Variants in KANK1 observed in about 807,000 individuals in gnomAD.
The protein encoded by KANK1 is KN motif and ankyrin repeat domains 1.
KANK1 carries 109 observed loss-of-function variants against 106.2 expected under a neutral mutation model. The ratio of observed to expected loss-of-function variants is 1.03; its 90% CI spans 0.88 to 1.20. The LOEUF is 1.20. Among genes scored for constraint, KANK1 ranks in the 50% most tolerant of loss-of-function variants. The pLI is 0.00. For synonymous variants in KANK1, 873 were observed against 652.2 expected (o/e 1.34, Z -5.16); for missense variants, 2,399 against 1,710.7 (o/e 1.40, Z -7.10).
At chr9:474,305 G>A (rs1333600801) in intron 3 of KANK1, among the ~76,000 whole-genome samples, 2 of 152,068 alleles carry the variant, frequency 1.3e-5, no homozygotes, top group African/African-American at 4.8e-5. Flanking sequence ...ATATGGACTA[G>A]TATTTATAAG....
chr9:481,525 A>G (rs2058203908), intron 3 of KANK1, among the ~76,000 whole-genome samples: 1 of 152,226 alleles, frequency 6.6e-6, no homozygotes, highest in Non-Finnish European at 1.5e-5. Flanking sequence ...AGAAGTATTG[A>G]ATGTGGTCTC....
intron 1 of KANK1, among the ~76,000 whole-genome samples, chr9:533,291 G>C (rs1244078334): frequency 6.6e-6 from 1 of 152,216 alleles, no homozygotes; most frequent in African/African-American, 2.4e-5. Flanking sequence ...CCTAGGTTAA[G>C]AGCATTAGTG....
At chr9:728,022 A>G (rs574787045) in intron 3 of KANK1, among the ~76,000 whole-genome samples, 1 of 152,254 alleles carries the variant, frequency 6.6e-6, no homozygotes, top group East Asian at 1.9e-4. Context: ...ACTGACCAGC[A>G]TTAACATTAA....
intron 1 of KANK1, among the ~76,000 whole-genome samples, chr9:586,935 C>A (rs1225032158): frequency 6.6e-6 from 1 of 152,152 alleles, no homozygotes; most frequent in Non-Finnish European, 1.5e-5. Context: ...GTATTGATTC[C>A]CCTCTCCTGC....
chr9:560,400 C>T (rs750976963), intron 1 of KANK1, among the ~76,000 whole-genome samples: 46 of 152,130 alleles, frequency 3.0e-4, no homozygotes, highest in Non-Finnish European at 5.6e-4. Flanking sequence ...GCTATTCTAA[C>T]TTTTCCATCA....
chr9:520,629 T>G (rs1048393997), intron 1 of KANK1, among the ~76,000 whole-genome samples: 1 of 151,848 alleles, frequency 6.6e-6, no homozygotes, highest in African/African-American at 2.4e-5. Context: ...ATGGCCTGTG[T>G]TCTGATTCAG....
Position 730,111 on chromosome 9 carries a change from C to G in KANK1, c.2759C>G (p.Ser920Cys), listed in dbSNP as rs1352543400. The change falls in exon 4 of 12, where the codon TCC becomes TGC. Residue 920 changes from serine to cysteine, a missense_variant. Ser to Cys is a moderately radical substitution (Grantham distance 112, BLOSUM62 -1). Transcript: ENST00000382297. ...GGLQSGSPLS[S>C]QTSQPEQEVG... Reference sequence around the variant, plus strand: ...CTTCAGTCAGGAAGTCCCTTAAGCTCCCAGACATCCCAGCCTGAGCAAGAA... The same window carrying G: ...CTTCAGTCAGGAAGTCCCTTAAGCTGCCAGACATCCCAGCCTGAGCAAGAA... The G allele has an allele frequency of 6.2e-7, 1 of 1,614,062 alleles. No individual in the cohort carries two copies. Among genetic ancestry groups the G allele is most frequent in the Non-Finnish European group, 8.5e-7 (1 of 1,180,034 alleles).
chr9:542,992 T>C (rs72689619), intron 1 of KANK1, among the ~76,000 whole-genome samples: 9,116 of 152,222 alleles, frequency 0.06, 310 homozygotes, highest in South Asian at 0.084. Context: ...CTGTAGTTAA[T>C]GTATACTTGG....
At chr9:541,825 C>G (rs569598317) in intron 1 of KANK1, among the ~76,000 whole-genome samples, 95 of 152,276 alleles carry the variant, frequency 6.2e-4, no homozygotes, top group Non-Finnish European at 1.2e-3. Flanking sequence ...CGCGGTGGCT[C>G]ACGCCTGTAA....
chr9:594,043 T>C (rs1030920447), intron 1 of KANK1, among the ~76,000 whole-genome samples: 1 of 151,840 alleles, frequency 6.6e-6, no homozygotes, highest in African/African-American at 2.4e-5. Flanking sequence ...TGGGGTCTGA[T>C]CTATGGTGCT....
At chr9:585,974 G>C (rs73639378) in intron 1 of KANK1, among the ~76,000 whole-genome samples, 9,566 of 152,210 alleles carry the variant, frequency 0.063, 788 homozygotes, top group East Asian at 0.23. Context: ...GTAAGAAAAC[G>C]TTAGGTTTGG....
chr9:567,419 C>T (rs1310883604), intron 1 of KANK1, among the ~76,000 whole-genome samples: 2 of 152,236 alleles, frequency 1.3e-5, no homozygotes, highest in African/African-American at 4.8e-5. Flanking sequence ...GTGCTATTCT[C>T]ATTCTTGCTT....
chr9:472,295 G>A (rs1402715487), intron 2 of KANK1, among the ~76,000 whole-genome samples: 1 of 152,180 alleles, frequency 6.6e-6, no homozygotes, highest in Admixed American at 6.5e-5. Flanking sequence ...CGTAGCCTCA[G>A]ACTCTGAGTT....
chr9:575,501 C>T lies in KANK1; in HGVS notation c.-84+70747C>T, dbSNP rs117601699. On this transcript the variant is annotated intron_variant, in intron 1 of 11. Transcript: ENST00000382297. ...TGGGCAACATAGCAAGACCCTGTCT[C>T]TACAGGGAAAAAAAAAAAAAAAAAG... is the stretch of plus-strand genomic sequence containing the variant. 2.7e-3 allele frequency among the ~76,000 whole-genome samples: 294 copies of T among 106,952 alleles called. 7 individuals carry two copies. The East Asian group carries it at 0.066, about 24-fold the overall frequency. The allele number at this position is 106,952 out of a possible 152,430, so 70.2% of individuals were successfully genotyped here. A position where few individuals can be genotyped will look rare whatever the true frequency, so the allele number is the denominator to read the frequency against.
At chr9:660,008 A>G in intron 1 of KANK1, 2 of 292,222 alleles carry the variant, frequency 6.8e-6, no homozygotes, top group Non-Finnish European at 1.4e-5. Flanking sequence ...CAGAACCTCC[A>G]CTCTTTCCAC....
intron 3 of KANK1, among the ~76,000 whole-genome samples, chr9:490,554 A>T (rs1483573055): frequency 1.3e-5 from 2 of 152,230 alleles, no homozygotes; most frequent in African/African-American, 2.4e-5. Context: ...AGCAGTAAAC[A>T]TAAAATGTTC....
chr9:599,442 T>A (rs893815038), intron 1 of KANK1, among the ~76,000 whole-genome samples: 2 of 151,928 alleles, frequency 1.3e-5, no homozygotes, highest in South Asian at 4.1e-4. Flanking sequence ...TATACATCCT[T>A]CTACATGTTT....
At chr9:622,214 G>A (rs191727587) in intron 1 of KANK1, among the ~76,000 whole-genome samples, 1 of 152,236 alleles carries the variant, frequency 6.6e-6, no homozygotes, top group Admixed American at 6.5e-5. Context: ...TCTACTTTTA[G>A]TATCCATAAA....
chr9:474,653 C>T (rs2058074979), intron 3 of KANK1, among the ~76,000 whole-genome samples: 2 of 152,138 alleles, frequency 1.3e-5, no homozygotes, highest in African/African-American at 4.8e-5. Flanking sequence ...CATTATCTAC[C>T]ACTTCATCAT....
Sources: allele counts gnomAD v4.1 joint callset (sites outside exome capture counted in the v4.1 genomes callset), GRCh38; gene constraint gnomAD v4.1.1; transcripts MANE v1.5; gene names NCBI Gene and HGNC (gene_info 2026-07-23, HGNC 2026-07-21).